NPHP4: variants seen among roughly 807,000 people sequenced by gnomAD.
The protein encoded by NPHP4 is nephrocystin 4.
A neutral mutation model predicts 155.8 loss-of-function variants in NPHP4; 151 were observed. The ratio of observed to expected loss-of-function variants is 0.97; its 90% confidence interval spans 0.85 to 1.11. NPHP4 has a LOEUF of 1.11. NPHP4 is among the 50% of genes least tolerant of loss of function. The pLI, the probability that NPHP4 is intolerant of heterozygous loss-of-function variation, is 0.00. For synonymous variants in NPHP4, 845 were observed against 816.8 expected, an observed-to-expected ratio of 1.03 and a Z score of -0.59; for missense variants, 1,956 against 1,925.7, an observed-to-expected ratio of 1.02 and a Z score of -0.29.
intron 22 of NPHP4, among the ~76,000 whole-genome samples, chr1:5,874,121 G>C (rs560676656): frequency 6.6e-6 from 1 of 152,310 alleles, no homozygotes; most frequent in South Asian, 2.1e-4. Flanking sequence ...AGAGCAGACA[G>C]TGCTGCAGTC....
At chr1:5,866,272 TAGG>T (rs2100431931) in intron 26 of NPHP4, 98 bp downstream of exon 26, 1 of 804,978 alleles carries the variant, frequency 1.2e-6, no homozygotes, top group East Asian at 2.7e-5. Flanking sequence ...CCCCCAATTT[TAGG>T]AAGGGGCCAA....
intron 17 of NPHP4, chr1:5,888,287 G>A (rs1015744809): frequency 4.0e-5 from 39 of 964,230 alleles, no homozygotes; most frequent in East Asian, 1.1e-4. Context: ...GATGACAACG[G>A]CCTCACGGCT....
intron 16 of NPHP4, among the ~76,000 whole-genome samples, chr1:5,896,782 G>T (rs549200266): frequency 6.6e-6 from 1 of 152,092 alleles, no homozygotes; most frequent in African/African-American, 2.4e-5. Context: ...TCAGAGAAAC[G>T]GGCCCTGGCT....
intron 16 of NPHP4, among the ~76,000 whole-genome samples, chr1:5,896,889 G>C (rs767549407): frequency 6.6e-6 from 1 of 152,120 alleles, no homozygotes; most frequent in Non-Finnish European, 1.5e-5. Flanking sequence ...AGGCCGGAAG[G>C]GCTCCCGGAA....
chr1:5,965,946 G>A (rs190484154), intron 5 of NPHP4, among the ~76,000 whole-genome samples: 9 of 152,204 alleles, frequency 5.9e-5, no homozygotes, highest in Admixed American at 2.6e-4. Flanking sequence ...AGCTGCGCAC[G>A]TGCACGCTTC....
chr1:5,963,651 G>A (rs931241898), intron 5 of NPHP4, among the ~76,000 whole-genome samples: 7 of 151,340 alleles, frequency 4.6e-5, no homozygotes, highest in Admixed American at 2.0e-4. Flanking sequence ...GGGGAAGGGC[G>A]GACGCCCACT....
At chr1:5,948,571 T>C (rs1217462672) in intron 7 of NPHP4, among the ~76,000 whole-genome samples, 1 of 152,168 alleles carries the variant, frequency 6.6e-6, no homozygotes, top group Non-Finnish European at 1.5e-5. Context: ...ATTCTCAAGA[T>C]GCAGCAAACT....
intron 11 of NPHP4, among the ~76,000 whole-genome samples, chr1:5,917,144 C>G (rs893700609): frequency 6.6e-6 from 1 of 152,148 alleles, no homozygotes; most frequent in Non-Finnish European, 1.5e-5. Context: ...GGGAATCACC[C>G]TCCCAGCCCT....
chr1:5,928,946 G>A (rs924791685), intron 10 of NPHP4, among the ~76,000 whole-genome samples: 1 of 152,110 alleles, frequency 6.6e-6, no homozygotes, highest in Non-Finnish European at 1.5e-5. Context: ...GGTCTTCTTT[G>A]ATTTCACCTA....
intron 23 of NPHP4, among the ~76,000 whole-genome samples, chr1:5,868,873 C>T (rs914117368): frequency 7.8e-5 from 11 of 140,410 alleles, no homozygotes; most frequent in Non-Finnish European, 1.4e-4. Context: ...TGCACACATG[C>T]CCCCACACGC....
chr1:5,867,556 A>C lies in NPHP4; in HGVS notation c.3472+184T>G, dbSNP rs1274520255. The C allele has an allele frequency of 7.7e-6, 5 of 650,394 alleles. No individual in the cohort carries two copies. Among genetic ancestry groups the C allele is most frequent in the Non-Finnish European group, 1.3e-5 (5 of 383,628 alleles). The allele number at this position is 650,394 out of a possible 1,614,324, so 40.3% of individuals were successfully genotyped here. A position where few individuals can be genotyped will look rare whatever the true frequency, so the allele number is the denominator to read the frequency against. On this transcript the variant is annotated intron_variant, in intron 24 of 29. Coordinates refer to ENST00000378156, the MANE Select transcript of NPHP4 (RefSeq NM_015102.5). This position sits in a 1 kb window ranked among gnomAD's most constrained non-coding sequence, Gnocchi z 4.1. ...CGGCAAATGCGCACCTAGTCATCTC[A>C]GAGGTGGCAAGAGGGACACCGTTTC...
At chr1:5,916,332 A>G (rs765000448) in intron 11 of NPHP4, among the ~76,000 whole-genome samples, 2 of 152,186 alleles carry the variant, frequency 1.3e-5, no homozygotes, top group Non-Finnish European at 2.9e-5. Flanking sequence ...AAGGAACCAT[A>G]TAAGTTGGTG....
chr1:5,988,845 T>C (rs1421152209), intron 1 of NPHP4, among the ~76,000 whole-genome samples: 1 of 151,510 alleles, frequency 6.6e-6, no homozygotes, highest in Non-Finnish European at 1.5e-5. Flanking sequence ...CGCTGCATCC[T>C]TGGCCCAGCG....
intron 10 of NPHP4, among the ~76,000 whole-genome samples, chr1:5,928,047 T>C (rs1646100171): frequency 6.6e-6 from 1 of 152,222 alleles, no homozygotes. Context: ...GAGTTGTGAA[T>C]GTTGTCATTG....
At chr1:5,884,388 C>T (rs935318866) in intron 18 of NPHP4, among the ~76,000 whole-genome samples, 1 of 152,176 alleles carries the variant, frequency 6.6e-6, no homozygotes, top group Non-Finnish European at 1.5e-5. Flanking sequence ...CTGCCTCCCC[C>T]AGGAAAGGTC....
At chr1:5,868,905 C>T (rs1641621235) in intron 23 of NPHP4, among the ~76,000 whole-genome samples, 1 of 148,996 alleles carries the variant, frequency 6.7e-6, no homozygotes, top group Non-Finnish European at 1.5e-5. Context: ...CGCCCACATG[C>T]ATGCACCCAC....
chr1:5,956,855 G>T (rs1179665921), intron 6 of NPHP4, among the ~76,000 whole-genome samples: 2 of 152,050 alleles, frequency 1.3e-5, no homozygotes, highest in Non-Finnish European at 2.9e-5. Context: ...CCCTATTATT[G>T]TCCCCAATTT....
rs548015554 is a variant in NPHP4 at position 5,869,195 on chromosome 1, A to G, written c.3316-1299T>C. Among the ~76,000 whole-genome samples the G allele has an allele frequency of 1.1e-3, 168 of 147,292 alleles. 2 individuals carry two copies. Among genetic ancestry groups the G allele is most frequent in the Admixed American group, 1.1e-3 (16 of 14,800 alleles). Reference sequence around the variant, plus strand: ...ATGCACACAATGCACACATACATGCACACATATCCACCCACATGCATACAC... The same window carrying G: ...ATGCACACAATGCACACATACATGCGCACATATCCACCCACATGCATACAC... On this transcript the variant is annotated intron_variant, in intron 23 of 29. Transcript: ENST00000378156.
At chr1:5,958,280 G>A (rs193024214) in intron 6 of NPHP4, among the ~76,000 whole-genome samples, 9 of 152,306 alleles carry the variant, frequency 5.9e-5, no homozygotes, top group South Asian at 2.1e-4. Context: ...GCACAGTGGC[G>A]CATGTCTGTA....
Sources: allele counts gnomAD v4.1 joint callset (sites outside exome capture counted in the v4.1 genomes callset), GRCh38; gene constraint gnomAD v4.1.1; non-coding constraint Gnocchi (gnomAD v3.1); transcripts MANE v1.5; gene names NCBI Gene and HGNC (gene_info 2026-07-23, HGNC 2026-07-21).